YBX2: variants seen among roughly 807,000 people sequenced by gnomAD.
YBX2 encodes the protein Y-box-binding protein 2.
YBX2 carries 5 observed loss-of-function variants against 44.4 expected under a neutral mutation model. The observed-to-expected ratio is 0.11, with a 90% CI of 0.06 to 0.24. The LOEUF is 0.24. Among genes scored for constraint, YBX2 ranks in the 10% least tolerant of loss-of-function variants. The pLI is 1.00. For missense variants in YBX2, 417 were observed against 526.9 expected, an observed-to-expected ratio of 0.79 and a Z score of 2.04; for synonymous variants, 188 against 216.1, an observed-to-expected ratio of 0.87 and a Z score of 1.14.
chr17:7,291,800 G>A lies in YBX2; in HGVS notation c.369+226C>T, dbSNP rs952512423. 2.7e-5 allele frequency: 16 copies of A among 587,854 alleles called. No homozygotes were observed. The highest frequency in any genetic ancestry group is 3.3e-4 in the Middle Eastern group (1 of 2,994). The allele number at this position is 587,854 out of a possible 1,614,324, so 36.4% of individuals were successfully genotyped here. A position where few individuals can be genotyped will look rare whatever the true frequency, so the allele number is the denominator to read the frequency against. On this transcript the variant is annotated intron_variant, in intron 3 of 8. Coordinates refer to ENST00000007699, the MANE Select transcript of YBX2 (RefSeq NM_015982.4). This position sits in a 1 kb window ranked among gnomAD's most constrained non-coding sequence, Gnocchi z 5.8. ...GCTTCCTGGAGTGTTAACAGGTCCCGGTGGGTAGTAAGCGTGCCATGCCCA... is the reference window on the plus strand; with the variant it reads ...GCTTCCTGGAGTGTTAACAGGTCCCAGTGGGTAGTAAGCGTGCCATGCCCA...
At chr17:7,292,268 C>A (rs2072506530) in intron 2 of YBX2, 1 of 606,062 alleles carries the variant, frequency 1.7e-6, no homozygotes, top group South Asian at 1.9e-5. Context: ...AACCTCAGTG[C>A]CAAACCTGGA....
At chr17:7,293,235 CAGA>C in intron 2 of YBX2, 1 of 626,814 alleles carries the variant, frequency 1.6e-6, no homozygotes, top group Admixed American at 2.9e-5. Context: ...CTGGCAGGGT[CAGA>C]GCCAGGTTTG....
At position 7,294,085 on chromosome 17, in the gene YBX2, T is replaced by A. The variant is rs1597605130; in HGVS notation, c.271+145A>T. On this transcript the variant is annotated intron_variant, in intron 1 of 8. Transcript: ENST00000007699. This position sits in a 1 kb window ranked among gnomAD's most constrained non-coding sequence, Gnocchi z 4.6. ...AGGATTTCCCACCAGGGGAATCCAC[T>A]TTGGTGCGCAGCTCCCAGCCCAGTT... 3 of 952,494 alleles carry A rather than the reference T, an allele frequency of 3.1e-6. No individual in the cohort carries two copies. The East Asian group carries it at 1.0e-4, about 32-fold the overall frequency. The allele number at this position is 952,494 out of a possible 1,614,324, so 59.0% of individuals were successfully genotyped here.
intron 2 of YBX2, 184 bp from the exon 3 acceptor site, chr17:7,292,243 G>A: frequency 1.4e-6 from 1 of 697,324 alleles, no homozygotes. Context: ...CTGGTGTAAA[G>A]AGAGATACAC....
intron 2 of YBX2, 161 bp downstream of exon 2, chr17:7,293,314 G>T: frequency 7.5e-7 from 1 of 1,327,616 alleles, no homozygotes; most frequent in Non-Finnish European, 1.0e-6. Flanking sequence ...CTCTTGTCAC[G>T]AAGCACACAT....
At position 7,294,048 on chromosome 17, in the gene YBX2, G is replaced by A. The variant is rs2072520830; in HGVS notation, c.271+182C>T. On this transcript the variant is annotated intron_variant, in intron 1 of 8. Coordinates refer to ENST00000007699, the MANE Select transcript of YBX2 (RefSeq NM_015982.4). This position sits in a 1 kb window ranked among gnomAD's most constrained non-coding sequence, Gnocchi z 4.6. Reference sequence around the variant, plus strand: ...CCTGCCGGCCCCGCCCTCTCTCCCAGGAAGGTACGGCAGGATTTCCCACCA... The same window carrying A: ...CCTGCCGGCCCCGCCCTCTCTCCCAAGAAGGTACGGCAGGATTTCCCACCA... 5 of 693,298 alleles carry A rather than the reference G, an allele frequency of 7.2e-6. No homozygotes were observed. Among genetic ancestry groups the A allele is most frequent in the Middle Eastern group, 4.7e-4 (1 of 2,134 alleles). The allele number at this position is 693,298 out of a possible 1,614,324, so 42.9% of individuals were successfully genotyped here. A position where few individuals can be genotyped will look rare whatever the true frequency, so the allele number is the denominator to read the frequency against.
Position 7,290,033 on chromosome 17 carries a change from C to T in YBX2, c.783G>A (p.Leu261=). ...DRVEPKETAP[L]EGHQQQGDER... ...CATCTCCCTGCTGTTGGTGCCCCTC[C>T]AATGGGGCTGTCTCTTTGGGTTCTA... Residue 261 remains leucine, a synonymous_variant, in exon 6 of 9, where the codon TTG becomes TTA. Coordinates refer to ENST00000007699, the MANE Select transcript of YBX2 (RefSeq NM_015982.4). 5 of 1,614,254 alleles carry T rather than the reference C, an allele frequency of 3.1e-6. No individual in the cohort carries two copies. The highest frequency in any genetic ancestry group is 4.2e-6 in the Non-Finnish European group (5 of 1,180,034).
intron 6 of YBX2, 112 bp downstream of exon 6, chr17:7,289,856 C>A: frequency 6.3e-7 from 1 of 1,584,178 alleles, no homozygotes; most frequent in Non-Finnish European, 8.6e-7. Flanking sequence ...AGGCACCTGT[C>A]TCGCCAGGAG....
At chr17:7,290,717 A>G (rs1365983089) in intron 4 of YBX2, among the ~76,000 whole-genome samples, 182 bp from the exon 5 acceptor site, 1 of 152,160 alleles carries the variant, frequency 6.6e-6, no homozygotes, top group Non-Finnish European at 1.5e-5. Flanking sequence ...AAGGAGCAAC[A>G]TGTCCTTTTG....
Position 7,294,245 on chromosome 17 carries a change from C to T in YBX2, c.256G>A (p.Asp86Asn). ...TGCCCCTCACCCAGCACCGGCTTGT[C>T]CGCCTGACTCCGGGCCGGGGGGGCG... ...TPAPPARSQA[D>N]KPVLAIQVLG... Residue 86 changes from aspartate to asparagine, a missense_variant, in exon 1 of 9, where the codon GAC becomes AAC. Around this residue, in one of 3 missense-constraint regions of YBX2, gnomAD observed 121 missense variants for 141.3 expected, o/e 0.86. Transcript: ENST00000007699. This position sits in a 1 kb window ranked among gnomAD's most constrained non-coding sequence, Gnocchi z 4.6. 1.6e-6 allele frequency: 2 copies of T among 1,274,434 alleles called. No homozygotes were observed. Among genetic ancestry groups the T allele is most frequent in the Non-Finnish European group, 2.0e-6 (2 of 1,016,844 alleles). The allele number at this position is 1,274,434 out of a possible 1,614,324, so 78.9% of individuals were successfully genotyped here. A position where few individuals can be genotyped will look rare whatever the true frequency, so the allele number is the denominator to read the frequency against.
In YBX2 at chr17:7,291,992, G is replaced by C. The variant is rs1489434740; in HGVS notation, c.369+34C>G. On this transcript the variant is annotated intron_variant, in intron 3 of 8. Transcript: ENST00000007699. The surrounding 1 kb of genome is among the most constrained non-coding windows in gnomAD (Gnocchi z 5.8). ...CAGCAAAGGCCTTCAAAGACGGCCG[G>C]TTCTTCCCCTCAGAAAGCTAACCTA... 1 of 1,613,904 alleles carries C rather than the reference G, an allele frequency of 6.2e-7. No homozygotes were observed. The highest frequency in any genetic ancestry group is 8.5e-7 in the Non-Finnish European group (1 of 1,179,890).
chr17:7,293,534 G>T lies in YBX2; in HGVS notation c.276C>A (p.Ile92=). ...RSQADKPVLA[I]QVLGTVKWFN... Reference sequence around the variant, plus strand: ...ACCATTTGACAGTGCCCAGGACTTGGATTGCTGCCAGGCAGAGATGCAGTG... The same window carrying T: ...ACCATTTGACAGTGCCCAGGACTTGTATTGCTGCCAGGCAGAGATGCAGTG... The change falls in exon 2 of 9, where the codon ATC becomes ATA. Residue 92 remains isoleucine, a synonymous_variant. Coordinates refer to ENST00000007699, the MANE Select transcript of YBX2 (RefSeq NM_015982.4). 6.2e-7 allele frequency: 1 copy of T among 1,614,154 alleles called. No individual in the cohort carries two copies. Among genetic ancestry groups the T allele is most frequent in the South Asian group, 1.1e-5 (1 of 91,086 alleles).
intron 7 of YBX2, among the ~76,000 whole-genome samples, chr17:7,289,127 G>A (rs2072477384): frequency 6.6e-6 from 1 of 152,176 alleles, no homozygotes; most frequent in African/African-American, 2.4e-5. Context: ...CTCCCAAAGT[G>A]CTGGGATTAC....
Position 7,288,575 on chromosome 17 carries a change from A to G in YBX2, c.*108T>C. On this transcript the variant is annotated 3_prime_UTR_variant, in exon 9 of 9. Transcript: ENST00000007699. ...GGTGAAAAGCTGGTGTTTTGATGTCATGAATTATGGGAAAGGGGGAGCAGG... is the reference window on the plus strand; with the variant it reads ...GGTGAAAAGCTGGTGTTTTGATGTCGTGAATTATGGGAAAGGGGGAGCAGG... The G allele has an allele frequency of 3.6e-6, 2 of 563,300 alleles. No individual in the cohort carries two copies. Among genetic ancestry groups the G allele is most frequent in the Non-Finnish European group, 6.4e-6 (2 of 310,968 alleles). 34.9% of individuals were successfully genotyped at this position (563,300 alleles called of 1,614,324 possible). A position where few individuals can be genotyped will look rare whatever the true frequency, so the allele number is the denominator to read the frequency against.
intron 1 of YBX2, 127 bp from the exon 2 acceptor site, chr17:7,293,665 C>A: frequency 6.5e-7 from 1 of 1,537,128 alleles, no homozygotes; most frequent in African/African-American, 1.4e-5. Flanking sequence ...AGGTTACCTT[C>A]AAGCCAACCA....
intron 2 of YBX2, 139 bp downstream of exon 2, chr17:7,293,336 T>A (rs2072515427): frequency 6.7e-7 from 1 of 1,487,460 alleles, no homozygotes; most frequent in Admixed American, 2.0e-5. Flanking sequence ...TGTGCTGCGG[T>A]TAAAGGCTTT....
At position 7,288,729 on chromosome 17, in the gene YBX2, C is replaced by A; in HGVS notation, c.*39+20G>T. ...TACCTCACCTTCCTGGCCACCCACCCAACTGCACCAGCCACTCACCAGATG... is the reference window on the plus strand; with the variant it reads ...TACCTCACCTTCCTGGCCACCCACCAAACTGCACCAGCCACTCACCAGATG... On this transcript the variant is annotated intron_variant, in intron 8 of 8. Transcript: ENST00000007699. The A allele has an allele frequency of 6.2e-7, 1 of 1,607,200 alleles. No homozygotes were observed. The highest frequency in any genetic ancestry group is 8.5e-7 in the Non-Finnish European group (1 of 1,173,994).
chr17:7,290,546 G>A lies in YBX2; in HGVS notation c.460-11C>T. The A allele has an allele frequency of 6.2e-7, 1 of 1,610,538 alleles. No individual in the cohort carries two copies. The highest frequency in any genetic ancestry group is 8.5e-7 in the Non-Finnish European group (1 of 1,177,912). Reference sequence around the variant, plus strand: ...AGTGGCTTCTGCGCCCTGGGAAGGTGGTAAGGGAATAGTGAGAACCTGCTC... The same window carrying A: ...AGTGGCTTCTGCGCCCTGGGAAGGTAGTAAGGGAATAGTGAGAACCTGCTC... On this transcript the variant is annotated splice_polypyrimidine_tract_variant and intron_variant, in intron 4 of 8. Coordinates refer to ENST00000007699, the MANE Select transcript of YBX2 (RefSeq NM_015982.4).
Position 7,294,328 on chromosome 17 carries a change from G to C in YBX2, c.173C>G (p.Pro58Arg). Residue 58 changes from proline (P) to arginine (R), a missense_variant, in exon 1 of 9, where the codon CCC (proline) becomes CGC (arginine). By Grantham distance (103) the Pro-to-Arg change is moderately radical (BLOSUM62 -2). Coordinates refer to ENST00000007699, the MANE Select transcript of YBX2 (RefSeq NM_015982.4). This position sits in a 1 kb window ranked among gnomAD's most constrained non-coding sequence, Gnocchi z 4.6. Reference sequence around the variant, plus strand: ...AGGGGTGCGGGAGCCCGGCGCCGAGGGGGTCCCAGCAGCGGGGCCCGAGGC... The same window carrying C: ...AGGGGTGCGGGAGCCCGGCGCCGAGCGGGTCCCAGCAGCGGGGCCCGAGGC... ...GAASGPAAGT[P>R]SAPGSRTPGN... 1 of 1,294,308 alleles carries C rather than the reference G, an allele frequency of 7.7e-7. No homozygotes were observed. The highest frequency in any genetic ancestry group is 9.7e-7 in the Non-Finnish European group (1 of 1,027,420). The allele number at this position is 1,294,308 out of a possible 1,614,324, so 80.2% of individuals were successfully genotyped here. A position where few individuals can be genotyped will look rare whatever the true frequency, so the allele number is the denominator to read the frequency against.
Sources: allele counts gnomAD v4.1 joint callset (sites outside exome capture counted in the v4.1 genomes callset), GRCh38; gene constraint gnomAD v4.1.1; regional missense constraint gnomAD v4.1.1; non-coding constraint Gnocchi (gnomAD v3.1); transcripts MANE v1.5; gene names NCBI Gene and HGNC (gene_info 2026-07-23, HGNC 2026-07-21).